EDIL3: variants seen among roughly 807,000 people sequenced by gnomAD.
The protein encoded by EDIL3 is EGF like and discoidin domains 3.
A neutral mutation model predicts 67.4 loss-of-function variants in EDIL3; 37 were observed. That is an observed-to-expected ratio of 0.55 (90% CI 0.42 to 0.72). EDIL3 has a LOEUF of 0.72. Ranked by LOEUF, EDIL3 falls within the 30% of genes least tolerant of loss-of-function variation. The pLI is 0.00. For synonymous variants in EDIL3, 195 were observed against 196.3 expected, an observed-to-expected ratio of 0.99 and a Z score of 0.05; for missense variants, 527 against 586.3, an observed-to-expected ratio of 0.90 and a Z score of 1.04.
At chr5:84,255,884 G>T (rs140728043) in intron 1 of EDIL3, among the ~76,000 whole-genome samples, 42 of 152,258 alleles carry the variant, frequency 2.8e-4, no homozygotes, top group Non-Finnish European at 5.0e-4. Flanking sequence ...ATTTAATCTG[G>T]AATGGCTAAG....
At chr5:84,089,570 C>T (rs1222719116) in intron 6 of EDIL3, among the ~76,000 whole-genome samples, 1 of 152,160 alleles carries the variant, frequency 6.6e-6, no homozygotes, top group African/African-American at 2.4e-5. Flanking sequence ...TTACTGAAAG[C>T]TTCATCAGCA....
chr5:84,300,910 A>G (rs936040641), intron 1 of EDIL3, among the ~76,000 whole-genome samples: 1 of 148,770 alleles, frequency 6.7e-6, no homozygotes, highest in African/African-American at 2.4e-5. Context: ...TCCAAGCCAA[A>G]TATACATGCA....
At chr5:84,340,335 C>A (rs567421077) in intron 1 of EDIL3, among the ~76,000 whole-genome samples, 3 of 151,694 alleles carry the variant, frequency 2.0e-5, no homozygotes, top group East Asian at 1.9e-4. Context: ...AGTTATTTAA[C>A]CCTGCAGTAC....
chr5:84,370,469 C>G (rs746267431), intron 1 of EDIL3, among the ~76,000 whole-genome samples: 2 of 152,186 alleles, frequency 1.3e-5, no homozygotes, highest in Non-Finnish European at 2.9e-5. Flanking sequence ...TGTCAGGGCA[C>G]TGCGGCAATT....
At position 83,963,348 on chromosome 5, in the gene EDIL3, C is replaced by G; in HGVS notation, c.1150G>C (p.Val384Leu). The change falls in exon 10 of 11, where the codon GTT becomes CTT. Residue 384 changes from valine (V) to leucine (L), a missense_variant. Around this residue, in one of 2 missense-constraint regions of EDIL3, gnomAD observed 494 missense variants for 522.5 expected, o/e 0.95. Coordinates refer to ENST00000296591, the MANE Select transcript of EDIL3 (RefSeq NM_005711.5). The stretch of plus-strand genomic sequence containing the variant: ...ATGATGCCAGTCACTTTGGTTGGAA[C>G]AAGAAGATCCACCTTAAAAAAAAGA... ...QSQWLQVDLL[V>L]PTKVTGIITQ... is the part of the protein sequence containing the mutation. 1 of 1,599,324 alleles carries G rather than the reference C, an allele frequency of 6.3e-7. No individual in the cohort carries two copies. Among genetic ancestry groups the G allele is most frequent in the South Asian group, 1.1e-5 (1 of 88,212 alleles).
chr5:84,308,177 G>T (rs2112138606), intron 1 of EDIL3, among the ~76,000 whole-genome samples: 1 of 152,262 alleles, frequency 6.6e-6, no homozygotes, highest in Non-Finnish European at 1.5e-5. Context: ...CTGAGATGTA[G>T]AATCGATATG....
At chr5:84,221,409 G>C (rs1185345103) in intron 3 of EDIL3, among the ~76,000 whole-genome samples, 3 of 152,056 alleles carry the variant, frequency 2.0e-5, no homozygotes, top group Admixed American at 6.6e-5. Flanking sequence ...ATTTTCCAAA[G>C]TGCCTACTGG....
intron 5 of EDIL3, among the ~76,000 whole-genome samples, chr5:84,128,193 T>G (rs1747899935): frequency 6.6e-6 from 1 of 152,136 alleles, no homozygotes; most frequent in Admixed American, 6.6e-5. Context: ...CAGTCAAGTT[T>G]TATTGCAACC....
intron 6 of EDIL3, among the ~76,000 whole-genome samples, chr5:84,080,577 T>C (rs981408835): frequency 6.6e-6 from 1 of 151,328 alleles, no homozygotes; most frequent in Non-Finnish European, 1.5e-5. Context: ...ATTCTACTTA[T>C]GTAATCTAAT....
At chr5:84,348,722 A>G (rs1453417222) in intron 1 of EDIL3, among the ~76,000 whole-genome samples, 1 of 152,124 alleles carries the variant, frequency 6.6e-6, no homozygotes, top group Non-Finnish European at 1.5e-5. Flanking sequence ...CTCCTTGTCC[A>G]TGGTACCCAG....
At position 84,070,132 on chromosome 5, in the gene EDIL3, C is replaced by G. The variant is rs149439222; in HGVS notation, c.652-3526G>C. On this transcript the variant is annotated intron_variant, in intron 6 of 10. Coordinates refer to ENST00000296591, the MANE Select transcript of EDIL3 (RefSeq NM_005711.5). ...CCATACCCTCCTGGCTCCCCATCCACCTCACTGAGAGCTGCTTCCACCACT... is the reference window on the plus strand; with the variant it reads ...CCATACCCTCCTGGCTCCCCATCCAGCTCACTGAGAGCTGCTTCCACCACT... Among the ~76,000 whole-genome samples, 435 of 152,280 alleles carry G rather than the reference C, an allele frequency of 2.9e-3. 5 individuals carry two copies. Among genetic ancestry groups the G allele is most frequent in the African/African-American group, 9.9e-3 (411 of 41,546 alleles).
intron 9 of EDIL3, among the ~76,000 whole-genome samples, chr5:84,049,262 T>C (rs1746286085): frequency 6.6e-6 from 1 of 151,896 alleles, no homozygotes; most frequent in Non-Finnish European, 1.5e-5. Flanking sequence ...TTCATTATTT[T>C]ATTGGAAATT....
chr5:83,945,746 T>C (rs1199219084), intron 10 of EDIL3, among the ~76,000 whole-genome samples: 1 of 151,964 alleles, frequency 6.6e-6, no homozygotes. Context: ...GTGAAAGTCA[T>C]GGATATTTGC....
rs772684820 is a variant in EDIL3, at chr5:84,064,823, T to C, written c.829A>G (p.Asn277Asp). 12 of 1,611,346 alleles carry C rather than the reference T, an allele frequency of 7.4e-6. No homozygotes were observed. The highest frequency in any genetic ancestry group is 1.0e-5 in the Non-Finnish European group (12 of 1,179,032). Residue 277 changes from asparagine to aspartate, a missense_variant, in exon 8 of 11, where the codon AAC becomes GAC. Physicochemically the swap from Asn to Asp is conservative, Grantham distance 23 (BLOSUM62 1). Coordinates refer to ENST00000296591, the MANE Select transcript of EDIL3 (RefSeq NM_005711.5). The part of the protein sequence containing the change: ...EDMVFRGNID[N>D]NTPYANSFTP... ...AAAGAGTTAGCATATGGAGTGTTGT[T>C]ATCAATGTTTCCACGAAACACCTGT...
intron 1 of EDIL3, among the ~76,000 whole-genome samples, chr5:84,305,910 A>AGAG (rs773047328): frequency 6.7e-6 from 1 of 148,772 alleles, no homozygotes; most frequent in Admixed American, 6.7e-5. Context: ...TAAATAAATA[A>AGAG]ATAAATAAAT....
chr5:84,197,706 T>G (rs1234938866), intron 3 of EDIL3, among the ~76,000 whole-genome samples: 2 of 151,276 alleles, frequency 1.3e-5, no homozygotes, highest in African/African-American at 2.4e-5. Context: ...ATAGCTAAAT[T>G]TGTAGAACTG....
At chr5:84,343,019 A>C (rs1414433599) in intron 1 of EDIL3, among the ~76,000 whole-genome samples, 1 of 152,046 alleles carries the variant, frequency 6.6e-6, no homozygotes, top group African/African-American at 2.4e-5. Flanking sequence ...GTTTTCTTTC[A>C]ATTTTTGATA....
At chr5:84,291,884 C>T (rs1012070987) in intron 1 of EDIL3, among the ~76,000 whole-genome samples, 13 of 149,556 alleles carry the variant, frequency 8.7e-5, no homozygotes, top group African/African-American at 3.2e-4. Flanking sequence ...ATAACTTTAA[C>T]AAAAGTATAG....
At chr5:84,054,182 A>G (rs1302521738) in intron 9 of EDIL3, among the ~76,000 whole-genome samples, 4 of 152,248 alleles carry the variant, frequency 2.6e-5, no homozygotes, top group Non-Finnish European at 5.9e-5. Context: ...GTAATCCAGC[A>G]TATAAACAGA....
Sources: gnomAD v4.1 joint callset for allele counts (sites outside exome capture counted in the v4.1 genomes callset) on GRCh38, gnomAD v4.1.1 for gene constraint, gnomAD v4.1.1 regional missense constraint, MANE v1.5 for transcripts, NCBI Gene and HGNC (gene_info 2026-07-23, HGNC 2026-07-21) for gene names.